Variants in PGBD1 observed in about 807,000 individuals in gnomAD.
PGBD1 encodes the protein piggyBac transposable element-derived protein 1.
In PGBD1, 25 loss-of-function variants were observed where a neutral mutation model predicts 34.7. The ratio of observed to expected loss-of-function variants is 0.72; its 90% CI spans 0.52 to 1.00. The LOEUF (loss-of-function observed/expected upper bound fraction) is 1.00. Ranked by LOEUF, PGBD1 falls within the 50% of genes least tolerant of loss-of-function variation. The pLI is 0.00. For missense variants in PGBD1, 830 were observed against 959.4 expected, an observed-to-expected ratio of 0.87 and a Z score of 1.78; for synonymous variants, 292 against 335.7, an observed-to-expected ratio of 0.87 and a Z score of 1.42.
Position 28,285,714 on chromosome 6 carries a change from G to A in PGBD1, c.553+7G>A. The A allele has an allele frequency of 6.2e-7, 1 of 1,611,558 alleles. No individual in the cohort carries two copies. Among genetic ancestry groups the A allele is most frequent in the Non-Finnish European group, 8.5e-7 (1 of 1,179,082 alleles). On this transcript the variant is annotated splice_region_variant and intron_variant, in intron 3 of 6. Transcript: ENST00000682144. ...AACCCCCAAGAAGTGAGTGGTGAGT[G>A]CTCGAGTGAGTTTAGTGAGGACGCT...
intron 4 of PGBD1, among the ~76,000 whole-genome samples, chr6:28,295,396 A>C (rs1762596321): frequency 6.6e-6 from 1 of 152,182 alleles, no homozygotes; most frequent in African/African-American, 2.4e-5. Flanking sequence ...AAGAAGTTCT[A>C]CTCTGGGTAA....
chr6:28,290,947 A>C (rs1321941820), intron 4 of PGBD1, among the ~76,000 whole-genome samples: 1 of 152,098 alleles, frequency 6.6e-6, no homozygotes, highest in South Asian at 2.1e-4. Context: ...GATACTGCAA[A>C]AGCAGTACTA....
At position 28,301,820 on chromosome 6, in the gene PGBD1, GA is replaced by G; in HGVS notation, c.1971del (p.Lys657AsnfsTer5). 1 of 1,614,032 alleles carries G rather than the reference GA, an allele frequency of 6.2e-7. No homozygotes were observed. On this transcript the variant is annotated frameshift_variant, in exon 7 of 7. Transcript: ENST00000682144. LOFTEE classifies it low-confidence loss of function (END_TRUNC). ...AGGAACAATTCGTGAGAACAGGACCGAAAAATGTCCCCTTATGAATGTAGAA... is the reference window on the plus strand; with the variant it reads ...AGGAACAATTCGTGAGAACAGGACCGAAAATGTCCCCTTATGAATGTAGAA... The part of the protein sequence containing the change: ...ATGTIRENRT[E>X]KCPLMNVEHM...
In PGBD1 at chr6:28,297,937, A is replaced by G; in HGVS notation, c.815A>G (p.Gln272Arg). The change falls in exon 6 of 7, where the codon CAA becomes CGA. Residue 272 changes from glutamine to arginine, a missense_variant. Gln to Arg is a conservative substitution (Grantham distance 43). Around this residue, in one of 3 missense-constraint regions of PGBD1, gnomAD observed 457 missense variants for 515.4 expected, o/e 0.89. Coordinates refer to ENST00000682144, the MANE Select transcript of PGBD1 (RefSeq NM_032507.4). ...VTKDRLFKAK[Q>R]ETSEEMEQSG... ...AAAGATAGATTGTTTAAAGCAAAGCAAGAAACTTCTGAAGAAATGGAACAA... is the reference window on the plus strand; with the variant it reads ...AAAGATAGATTGTTTAAAGCAAAGCGAGAAACTTCTGAAGAAATGGAACAA... The G allele has an allele frequency of 6.2e-7, 1 of 1,610,972 alleles. No homozygotes were observed. Among genetic ancestry groups the G allele is most frequent in the Non-Finnish European group, 8.5e-7 (1 of 1,178,286 alleles).
intron 1 of PGBD1, among the ~76,000 whole-genome samples, chr6:28,282,552 T>C (rs1196599589): frequency 6.6e-6 from 1 of 152,110 alleles, no homozygotes; most frequent in African/African-American, 2.4e-5. Context: ...TGAATGAAAA[T>C]AATAGTAAAA....
intron 4 of PGBD1, among the ~76,000 whole-genome samples, chr6:28,294,235 TGA>T (rs755175057): frequency 9.9e-5 from 15 of 152,198 alleles, no homozygotes; most frequent in Non-Finnish European, 1.5e-4. Context: ...CTGTGAAGGC[TGA>T]GAGAGGTGAG....
rs368634720 is a variant in PGBD1, at chr6:28,297,816, GTTTTTTTTTTT to G, written c.773-60_773-50del. On this transcript the variant is annotated intron_variant, in intron 5 of 6. Transcript: ENST00000682144. ...GGAACATCTATTCCCTACCCTGGAA[GTTTTTTTTTTT>G]TTTTTTTTTTTTTTTTTTCAAAATT... The G allele has an allele frequency of 5.0e-3, 1,758 of 349,822 alleles. 7 individuals are homozygous for G. Among genetic ancestry groups the G allele is most frequent in the African/African-American group, 0.023 (512 of 22,336 alleles). 21.7% of individuals were successfully genotyped at this position (349,822 alleles called of 1,614,324 possible).
In PGBD1 at chr6:28,287,137, T is replaced by C; in HGVS notation, c.611T>C (p.Val204Ala). The C allele has an allele frequency of 2.5e-6, 4 of 1,614,010 alleles. No individual in the cohort carries two copies. Among genetic ancestry groups the C allele is most frequent in the Non-Finnish European group, 3.4e-6 (4 of 1,179,928 alleles). The change falls in exon 4 of 7, where the codon GTA (valine) becomes GCA (alanine). Residue 204 changes from valine (V) to alanine (A), a missense_variant. By Grantham distance (64) the Val-to-Ala change is moderately conservative. Around this residue, in one of 3 missense-constraint regions of PGBD1, gnomAD observed 457 missense variants for 515.4 expected, o/e 0.89. Coordinates refer to ENST00000682144, the MANE Select transcript of PGBD1 (RefSeq NM_032507.4). ...GAAAAAAACCCCAGAGACAAGGCTG[T>C]AGTGCCTGTGTTTAACCCAGTCAGG... ...LQEKNPRDKA[V>A]VPVFNPVRSQ...
At chr6:28,283,052 C>T (rs1762174911) in intron 1 of PGBD1, among the ~76,000 whole-genome samples, 1 of 152,220 alleles carries the variant, frequency 6.6e-6, no homozygotes, top group Non-Finnish European at 1.5e-5. Context: ...CCTGGAGTTA[C>T]TAATAGAGCT....
At position 28,285,623 on chromosome 6, in the gene PGBD1, C is replaced by CA; in HGVS notation, c.470dup (p.Ser158GlufsTer14). The CA allele has an allele frequency of 6.2e-7, 1 of 1,614,114 alleles. No individual in the cohort carries two copies. Among genetic ancestry groups the CA allele is most frequent in the Admixed American group, 1.7e-5 (1 of 60,022 alleles). ...ATATCAAGGAGTCTCTTTGGAGTGT[C>CA]AGAGCCTCCAGCTCCTGCCTGGGAT... is the stretch of plus-strand genomic sequence containing the variant. On this transcript the variant is annotated frameshift_variant, in exon 3 of 7. Coordinates refer to ENST00000682144, the MANE Select transcript of PGBD1 (RefSeq NM_032507.4). LOFTEE classifies it high-confidence loss of function.
At chr6:28,295,743 GA>G (rs1378087661) in intron 4 of PGBD1, among the ~76,000 whole-genome samples, 1 of 152,178 alleles carries the variant, frequency 6.6e-6, no homozygotes, top group Non-Finnish European at 1.5e-5. Flanking sequence ...CATGCACTCG[GA>G]AGCCAAGAAA....
At position 28,302,057 on chromosome 6, in the gene PGBD1, T is replaced by A; in HGVS notation, c.2203T>A (p.Cys735Ser). The A allele has an allele frequency of 6.2e-7, 1 of 1,614,148 alleles. No individual in the cohort carries two copies. Among genetic ancestry groups the A allele is most frequent in the Non-Finnish European group, 8.5e-7 (1 of 1,180,024 alleles). Reference protein sequence around the residue: ...QPSIVKVYDECKEGVAKMDQI... With the variant: ...QPSIVKVYDESKEGVAKMDQI... ...ATCCATAGTAAAAGTGTATGATGAA[T>A]GCAAGGAAGGTGTAGCTAAAATGGA... Residue 735 changes from cysteine (C) to serine (S), a missense_variant, in exon 7 of 7, where the codon TGC becomes AGC. Coordinates refer to ENST00000682144, the MANE Select transcript of PGBD1 (RefSeq NM_032507.4).
chr6:28,299,121 A>G (rs1762743179), intron 6 of PGBD1, among the ~76,000 whole-genome samples: 1 of 152,208 alleles, frequency 6.6e-6, no homozygotes, highest in Non-Finnish European at 1.5e-5. Flanking sequence ...GATGTTCAGT[A>G]ACTTAGAGCA....
rs543647305 is a variant in PGBD1 at position 28,287,188 on chromosome 6, T to C, written c.642+20T>C. 3 of 1,566,924 alleles carry C rather than the reference T, an allele frequency of 1.9e-6. No individual in the cohort carries two copies. The highest frequency in any genetic ancestry group is 2.7e-5 in the African/African-American group (2 of 73,990). On this transcript the variant is annotated intron_variant, in intron 4 of 6. Transcript: ENST00000682144. ...TCCCAGGTAAGTAGGATGCCCAAGC[T>C]TGTAGGAATATCAGTAGTGGTCTTT...
At chr6:28,285,118 C>T (rs1448559267) in intron 2 of PGBD1, among the ~76,000 whole-genome samples, 1 of 152,034 alleles carries the variant, frequency 6.6e-6, no homozygotes, top group African/African-American at 2.4e-5. Flanking sequence ...GAGACTATCC[C>T]TCAATTTGAG....
In PGBD1 at chr6:28,287,154, C is replaced by T; in HGVS notation, c.628C>T (p.Pro210Ser). 1 of 1,613,174 alleles carries T rather than the reference C, an allele frequency of 6.2e-7. No homozygotes were observed. Among genetic ancestry groups the T allele is most frequent in the Admixed American group, 1.7e-5 (1 of 59,992 alleles). The change falls in exon 4 of 7, where the codon CCA (proline) becomes TCA (serine). Residue 210 changes from proline to serine, a missense_variant. By Grantham distance (74) the Pro-to-Ser change is moderately conservative. Transcript: ENST00000682144. ...RDKAVVPVFN[P>S]VRSQTLVKTE... ...CAAGGCTGTAGTGCCTGTGTTTAAC[C>T]CAGTCAGGTCCCAGGTAAGTAGGAT...
chr6:28,296,768 C>T (rs1762651230), intron 4 of PGBD1, 48 bp from the exon 5 acceptor site: 2 of 1,606,846 alleles, frequency 1.2e-6, no homozygotes, highest in Non-Finnish European at 1.7e-6. Flanking sequence ...AACTGGATTC[C>T]TTACCATGTG....
At position 28,296,667 on chromosome 6, in the gene PGBD1, T is replaced by C. The variant is rs1049819092; in HGVS notation, c.643-149T>C. The stretch of plus-strand genomic sequence containing the variant: ...CGGCTTGAGGTGGTGGTGGACTTCA[T>C]TGTTATAACCAGAAAGGTTCCCACA... On this transcript the variant is annotated intron_variant, in intron 4 of 6. Coordinates refer to ENST00000682144, the MANE Select transcript of PGBD1 (RefSeq NM_032507.4). The C allele has an allele frequency of 4.9e-6, 4 of 812,524 alleles. No individual in the cohort carries two copies. In the African/African-American group the frequency reaches 5.2e-5, roughly 11 times the overall value. The allele number at this position is 812,524 out of a possible 1,614,324, so 50.3% of individuals were successfully genotyped here. A position where few individuals can be genotyped will look rare whatever the true frequency, so the allele number is the denominator to read the frequency against.
At position 28,302,420 on chromosome 6, in the gene PGBD1, T is replaced by G; in HGVS notation, c.*136T>G. The G allele has an allele frequency of 1.1e-6, 1 of 916,698 alleles. No individual in the cohort carries two copies. Among genetic ancestry groups the G allele is most frequent in the Non-Finnish European group, 1.6e-6 (1 of 638,382 alleles). 56.8% of individuals were successfully genotyped at this position (916,698 alleles called of 1,614,324 possible). On this transcript the variant is annotated 3_prime_UTR_variant, in exon 7 of 7. Coordinates refer to ENST00000682144, the MANE Select transcript of PGBD1 (RefSeq NM_032507.4). ...AATAATACTTTTAAAAATCAGACAT[T>G]TATATAGAGTTTCAAAGACTATTGT...
Sources: allele counts gnomAD v4.1 joint callset (sites outside exome capture counted in the v4.1 genomes callset), GRCh38; gene constraint gnomAD v4.1.1; regional missense constraint gnomAD v4.1.1; transcripts MANE v1.5; gene names NCBI Gene and HGNC (gene_info 2026-07-23, HGNC 2026-07-21).